UMAD1: variants seen among roughly 807,000 people sequenced by gnomAD.
UMAD1 encodes the protein UBAP1-MVB12-associated (UMA)-domain containing protein 1.
UMAD1 carries 8 observed loss-of-function variants against 6.1 expected under a neutral mutation model. The observed-to-expected ratio is 1.30, with a 90% CI of 0.76 to 2.35. The LOEUF (loss-of-function observed/expected upper bound fraction) is 2.35. Among genes scored for constraint, UMAD1 ranks in the 30% most tolerant of loss-of-function variants. The pLI is 0.00. For missense variants in UMAD1, 130 were observed against 78.4 expected, an observed-to-expected ratio of 1.66 and a Z score of -2.49; for synonymous variants, 56 against 31.4, an observed-to-expected ratio of 1.78 and a Z score of -2.61.
intron 3 of UMAD1, among the ~76,000 whole-genome samples, chr7:7,845,718 A>C (rs1783770960): frequency 6.6e-6 from 1 of 152,136 alleles, no homozygotes; most frequent in Admixed American, 6.6e-5. Flanking sequence ...AAAACCTTAC[A>C]TACAGAACCG....
intron 3 of UMAD1, among the ~76,000 whole-genome samples, chr7:7,853,605 G>A (rs1308055796): frequency 6.6e-6 from 1 of 151,478 alleles, no homozygotes; most frequent in Non-Finnish European, 1.5e-5. Context: ...TTCATATTTG[G>A]ATTGTTCATT....
chr7:7,813,611 G>A (rs1314421497), intron 3 of UMAD1, among the ~76,000 whole-genome samples: 1 of 144,504 alleles, frequency 6.9e-6, no homozygotes, highest in East Asian at 2.0e-4. Flanking sequence ...TTAAAAAAAA[G>A]CATATGAAAA....
chr7:7,791,385 T>C (rs527887973), intron 2 of UMAD1, among the ~76,000 whole-genome samples: 3 of 152,342 alleles, frequency 2.0e-5, no homozygotes, highest in Admixed American at 6.5e-5. Flanking sequence ...ACCCAACTTA[T>C]ACTTCCAGCA....
intron 2 of UMAD1, among the ~76,000 whole-genome samples, chr7:7,697,325 A>G (rs1780345427): frequency 6.6e-6 from 1 of 152,196 alleles, no homozygotes; most frequent in African/African-American, 2.4e-5. Context: ...TAATATCAGA[A>G]TCCTCTATTC....
intron 3 of UMAD1, among the ~76,000 whole-genome samples, chr7:7,871,276 CTG>C (rs1223952130): frequency 7.2e-5 from 11 of 152,138 alleles, no homozygotes; most frequent in Admixed American, 2.0e-4. Flanking sequence ...ACTTTAATAA[CTG>C]TTATATTTTC....
chr7:7,717,568 TTAAC>T (rs28912675), intron 2 of UMAD1, among the ~76,000 whole-genome samples: 7 of 152,250 alleles, frequency 4.6e-5, no homozygotes, highest in African/African-American at 1.4e-4. Flanking sequence ...ATTTCCCACT[TTAAC>T]TGATTTTTTT....
chr7:7,810,374 A>G (rs1468180771), intron 3 of UMAD1, among the ~76,000 whole-genome samples: 1 of 152,134 alleles, frequency 6.6e-6, no homozygotes, highest in Non-Finnish European at 1.5e-5. Flanking sequence ...CTAAGAAAAT[A>G]GTCTTTTAAA....
intron 3 of UMAD1, among the ~76,000 whole-genome samples, chr7:7,808,317 G>C (rs1440649096): frequency 6.6e-6 from 1 of 151,936 alleles, no homozygotes; most frequent in Non-Finnish European, 1.5e-5. Context: ...AGCTCAGGGA[G>C]ATAAACCTGT....
intron 1 of UMAD1, among the ~76,000 whole-genome samples, chr7:7,652,032 G>A (rs1358917746): frequency 6.6e-6 from 1 of 152,190 alleles, no homozygotes; most frequent in Non-Finnish European, 1.5e-5. Context: ...AGGGGTAGAA[G>A]GAAGGGAGGA....
chr7:7,817,749 C>T (rs1226215555), intron 3 of UMAD1, among the ~76,000 whole-genome samples: 1 of 152,102 alleles, frequency 6.6e-6, no homozygotes, highest in Non-Finnish European at 1.5e-5. Context: ...GTTTTTGCAT[C>T]CGTTCCTGAC....
At chr7:7,679,759 C>G (rs1303375964) in intron 2 of UMAD1, among the ~76,000 whole-genome samples, 1 of 147,466 alleles carries the variant, frequency 6.8e-6, no homozygotes, top group Non-Finnish European at 1.5e-5. Context: ...GAGGCAATAA[C>G]TCACTATGTT....
intron 3 of UMAD1, among the ~76,000 whole-genome samples, chr7:7,861,903 A>C (rs1784123080): frequency 1.3e-5 from 2 of 152,318 alleles, no homozygotes; most frequent in African/African-American, 4.8e-5. Flanking sequence ...CAAAGCATAC[A>C]TTTTCAGCAT....
intron 1 of UMAD1, among the ~76,000 whole-genome samples, chr7:7,644,399 A>T (rs1785049536): frequency 3.4e-5 from 5 of 147,912 alleles, no homozygotes; most frequent in East Asian, 2.0e-4. Context: ...ATAGTTAAAC[A>T]TTTTCCCCCT....
intron 1 of UMAD1, among the ~76,000 whole-genome samples, chr7:7,659,777 G>C (rs1252035158): frequency 1.3e-5 from 2 of 152,180 alleles, no homozygotes; most frequent in African/African-American, 4.8e-5. Context: ...TGCATATTCT[G>C]TTAATTTGGG....
chr7:7,795,237 A>G (rs1295903751), intron 2 of UMAD1, among the ~76,000 whole-genome samples: 1 of 152,206 alleles, frequency 6.6e-6, no homozygotes, highest in Non-Finnish European at 1.5e-5. Context: ...GGACACACAC[A>G]TTGGATCCGA....
intron 2 of UMAD1, among the ~76,000 whole-genome samples, chr7:7,696,924 A>AT (rs1780334085): frequency 6.6e-6 from 1 of 151,368 alleles, no homozygotes; most frequent in Non-Finnish European, 1.5e-5. Context: ...AGATTTATTG[A>AT]TTTTTCCTGG....
intron 1 of UMAD1, among the ~76,000 whole-genome samples, chr7:7,653,219 A>G (rs1442128972): frequency 1.3e-5 from 2 of 152,296 alleles, no homozygotes; most frequent in Middle Eastern, 3.4e-3. Flanking sequence ...TGTTATTTAC[A>G]CTCAAATCAA....
intron 3 of UMAD1, among the ~76,000 whole-genome samples, chr7:7,803,401 G>C (rs182622470): frequency 4.2e-4 from 64 of 152,276 alleles, no homozygotes; most frequent in Middle Eastern, 3.4e-3. Context: ...CTTGAGCCCG[G>C]GAATTCAAGG....
intron 2 of UMAD1, among the ~76,000 whole-genome samples, chr7:7,680,489 T>C (rs528620276): frequency 6.6e-6 from 1 of 152,334 alleles, no homozygotes; most frequent in South Asian, 2.1e-4. Context: ...TCTAATTTTG[T>C]TGTTTTTGCT....
Sources: allele counts gnomAD v4.1 joint callset (sites outside exome capture counted in the v4.1 genomes callset), GRCh38; gene constraint gnomAD v4.1.1; transcripts MANE v1.5; gene names NCBI Gene and HGNC (gene_info 2026-07-23, HGNC 2026-07-21).